GALM: variants seen among roughly 807,000 people sequenced by gnomAD.
The protein encoded by GALM is aldose 1-epimerase.
Under a neutral mutation model 37.4 loss-of-function variants are expected in GALM, and 43 were observed. That is an observed-to-expected ratio of 1.15 (90% CI 0.90 to 1.48). The LOEUF is 1.48. GALM is among the 40% of genes most tolerant of loss of function. The pLI is 0.00. For missense variants in GALM, 456 were observed against 419.1 expected (o/e 1.09, Z -0.77); for synonymous variants, 199 against 170.6 (o/e 1.17, Z -1.30).
At chr2:38,667,995 C>T (rs932498206) in intron 1 of GALM, among the ~76,000 whole-genome samples, 1 of 152,130 alleles carries the variant, frequency 6.6e-6, no homozygotes, top group Non-Finnish European at 1.5e-5. Context: ...CAGGCCTTGC[C>T]GAGTTTCCCC....
intron 2 of GALM, among the ~76,000 whole-genome samples, chr2:38,679,402 G>T (rs1665340096): frequency 6.6e-6 from 1 of 152,018 alleles, no homozygotes; most frequent in East Asian, 1.9e-4. Flanking sequence ...GTGGGTATAA[G>T]TTAACTCCAC....
At chr2:38,696,943 C>T (rs1427340476) in intron 4 of GALM, among the ~76,000 whole-genome samples, 1 of 151,876 alleles carries the variant, frequency 6.6e-6, no homozygotes, top group Non-Finnish European at 1.5e-5. Context: ...GCACATGCCA[C>T]CACGCCCGGC....
chr2:38,680,207 A>G (rs1352276483), intron 2 of GALM: 7 of 327,810 alleles, frequency 2.1e-5, no homozygotes, highest in Non-Finnish European at 4.2e-5. Flanking sequence ...TTTTTCATAG[A>G]GATGACATCT....
At chr2:38,733,378 G>A in intron 6 of GALM, 110 bp from the exon 7 acceptor site, 1 of 868,592 alleles carries the variant, frequency 1.2e-6, no homozygotes, top group Non-Finnish European at 2.0e-6. Flanking sequence ...TTCCCGCACT[G>A]GCAGCCATCC....
intron 4 of GALM, among the ~76,000 whole-genome samples, chr2:38,710,682 G>A (rs1038022573): frequency 3.3e-5 from 5 of 151,982 alleles, no homozygotes; most frequent in African/African-American, 1.2e-4. Flanking sequence ...TGAGATTACA[G>A]GCATGAGCCA....
At chr2:38,711,932 A>G (rs1322328903) in intron 4 of GALM, among the ~76,000 whole-genome samples, 1 of 144,328 alleles carries the variant, frequency 6.9e-6, no homozygotes, top group Non-Finnish European at 1.5e-5. Flanking sequence ...TCTCATAACA[A>G]CTCCATGTTG....
rs113184185 is a variant in GALM, at chr2:38,722,353, G to C, written c.635-7203G>C. Among the ~76,000 whole-genome samples the C allele has an allele frequency of 2.8e-3, 418 of 151,994 alleles. 6 individuals carry two copies. The highest frequency in any genetic ancestry group is 9.8e-3 in the African/African-American group (406 of 41,436). ...TGCAGTTTCTGGTCTCTGTATTTAT[G>C]AAAACAACCTCTAGTGGGCCCTTGA... is the stretch of plus-strand genomic sequence containing the variant. On this transcript the variant is annotated intron_variant, in intron 4 of 6. Transcript: ENST00000272252.
intron 5 of GALM, among the ~76,000 whole-genome samples, chr2:38,729,941 T>C (rs1666565842): frequency 6.6e-6 from 1 of 152,110 alleles, no homozygotes; most frequent in Non-Finnish European, 1.5e-5. Context: ...TCTCTGCCTG[T>C]TCTTTAAGGC....
intron 4 of GALM, among the ~76,000 whole-genome samples, chr2:38,693,873 T>G (rs1364648193): frequency 6.6e-6 from 1 of 152,184 alleles, no homozygotes; most frequent in Non-Finnish European, 1.5e-5. Context: ...TCTACAGATC[T>G]TACAATGTGG....
intron 4 of GALM, among the ~76,000 whole-genome samples, chr2:38,693,175 A>G (rs1665719335): frequency 6.6e-6 from 1 of 152,240 alleles, no homozygotes; most frequent in African/African-American, 2.4e-5. Flanking sequence ...CTTTCCTGAG[A>G]CGTGCTACAA....
chr2:38,700,952 A>T (rs1252222359), intron 4 of GALM, among the ~76,000 whole-genome samples: 2 of 152,082 alleles, frequency 1.3e-5, no homozygotes, highest in Non-Finnish European at 2.9e-5. Context: ...TTTCACTTCC[A>T]GATGTGGGAC....
chr2:38,730,332 T>A (rs939278256), intron 5 of GALM, among the ~76,000 whole-genome samples: 1 of 152,200 alleles, frequency 6.6e-6, no homozygotes, highest in Non-Finnish European at 1.5e-5. Flanking sequence ...AGTGGTGCGA[T>A]CTAGGTTTAC....
chr2:38,673,606 C>T (rs953421339), intron 1 of GALM, among the ~76,000 whole-genome samples: 1 of 151,944 alleles, frequency 6.6e-6, no homozygotes, highest in African/African-American at 2.4e-5. Context: ...GTCAGGAGAT[C>T]GAGACCATCC....
intron 4 of GALM, among the ~76,000 whole-genome samples, chr2:38,705,498 G>GA (rs779113793): frequency 4.6e-5 from 7 of 152,188 alleles, no homozygotes; most frequent in Non-Finnish European, 1.0e-4. Flanking sequence ...AAGGAGTGTA[G>GA]AAGCCAGGGT....
intron 4 of GALM, among the ~76,000 whole-genome samples, chr2:38,707,739 G>T (rs773452175): frequency 5.9e-5 from 9 of 152,132 alleles, no homozygotes; most frequent in Non-Finnish European, 1.0e-4. Flanking sequence ...CCAGTCCTTT[G>T]GGTAGCTGAG....
chr2:38,669,778 C>A (rs1665042821), intron 1 of GALM, among the ~76,000 whole-genome samples: 1 of 151,780 alleles, frequency 6.6e-6, no homozygotes, highest in African/African-American at 2.4e-5. Context: ...GAGGCTGAGG[C>A]AGGAGAATCA....
intron 4 of GALM, among the ~76,000 whole-genome samples, chr2:38,705,358 C>G (rs572558515): frequency 6.6e-6 from 1 of 152,258 alleles, no homozygotes; most frequent in East Asian, 1.9e-4. Flanking sequence ...TTATAGAGCA[C>G]CTACTGATTG....
chr2:38,719,927 T>G lies in GALM; in HGVS notation c.635-9629T>G, dbSNP rs202166787. Reference sequence around the variant, plus strand: ...ACACTCTCCTGTAAATGTTTATTGTTTTGGCCAGGCGCGTTGGCTCACACC... The same window carrying G: ...ACACTCTCCTGTAAATGTTTATTGTGTTGGCCAGGCGCGTTGGCTCACACC... On this transcript the variant is annotated intron_variant, in intron 4 of 6. Transcript: ENST00000272252. Among the ~76,000 whole-genome samples, 26 of 149,650 alleles carry G rather than the reference T, an allele frequency of 1.7e-4. No homozygotes were observed. In the East Asian group the frequency reaches 4.7e-3, roughly 27 times the overall value.
At chr2:38,681,544 G>A in intron 3 of GALM, 58 bp downstream of exon 3, 1 of 1,410,884 alleles carries the variant, frequency 7.1e-7, no homozygotes, top group Non-Finnish European at 1.0e-6. Flanking sequence ...CCTGGGCTGT[G>A]GCTAGAGAGA....
Sources: allele counts gnomAD v4.1 joint callset (sites outside exome capture counted in the v4.1 genomes callset), GRCh38; gene constraint gnomAD v4.1.1; transcripts MANE v1.5; gene names NCBI Gene and HGNC (gene_info 2026-07-23, HGNC 2026-07-21).